Variants in SLC12A7 observed in about 807,000 individuals in gnomAD.
SLC12A7 encodes solute carrier family 12 member 7, also known as K-Cl cotransporter 4.
A neutral mutation model predicts 120.6 loss-of-function variants in SLC12A7; 100 were observed. The observed-to-expected ratio is 0.83, with a 90% confidence interval of 0.71 to 0.98. The LOEUF (loss-of-function observed/expected upper bound fraction) is 0.98, where lower values mean the gene tolerates loss of function less well. Among genes scored for constraint, SLC12A7 ranks in the 50% least tolerant of loss-of-function variants. SLC12A7 has a pLI of 0.00. For synonymous variants in SLC12A7, 760 were observed against 678.0 expected, an observed-to-expected ratio of 1.12 and a Z score of -1.88; for missense variants, 1,373 against 1,548.1, an observed-to-expected ratio of 0.89 and a Z score of 1.90.
the SLC12A7 span, among the ~76,000 whole-genome samples, chr5:1,128,570 A>C: frequency 6.6e-6 from 1 of 152,224 alleles, no homozygotes; most frequent in African/African-American, 2.4e-5. Context: ...CAACACTCTG[A>C]GACCTCTGGG....
At chr5:1,124,898 C>T in the SLC12A7 span, among the ~76,000 whole-genome samples, 7 of 152,188 alleles carry the variant, frequency 4.6e-5, no homozygotes, top group Non-Finnish European at 4.4e-5. Flanking sequence ...ACCCTGATGA[C>T]GCCCCGCTTC....
chr5:1,125,024 G>A, the SLC12A7 span, among the ~76,000 whole-genome samples: 1 of 152,076 alleles, frequency 6.6e-6, no homozygotes, highest in African/African-American at 2.4e-5. Context: ...AAGAAGATTT[G>A]AACAACCCAT....
intron 9 of SLC12A7, among the ~76,000 whole-genome samples, chr5:1,080,781 C>T (rs1264906040): frequency 1.3e-5 from 2 of 152,244 alleles, no homozygotes; most frequent in South Asian, 4.1e-4. Flanking sequence ...GGCCTCTGAG[C>T]TCACACTGAG....
At chr5:1,134,533 G>GT in the SLC12A7 span, among the ~76,000 whole-genome samples, 1 of 152,132 alleles carries the variant, frequency 6.6e-6, no homozygotes, top group Non-Finnish European at 1.5e-5. Flanking sequence ...AATGAATGCT[G>GT]TAAGAATGTG....
intron 12 of SLC12A7, among the ~76,000 whole-genome samples, chr5:1,077,488 G>T (rs971024580): frequency 6.6e-6 from 1 of 152,214 alleles, no homozygotes; most frequent in Non-Finnish European, 1.5e-5. Context: ...ACGGGCTGAA[G>T]AGCTCAGCCA....
At chr5:1,122,642 C>T in the SLC12A7 span, among the ~76,000 whole-genome samples, 1 of 152,198 alleles carries the variant, frequency 6.6e-6, no homozygotes, top group Non-Finnish European at 1.5e-5. Context: ...ATTCTGCGTT[C>T]GGTCTCTACA....
chr5:1,120,652 A>G, the SLC12A7 span, among the ~76,000 whole-genome samples: 7 of 152,230 alleles, frequency 4.6e-5, no homozygotes, highest in East Asian at 1.9e-4. Flanking sequence ...CTGGGAGCCC[A>G]GACTGGACAC....
Position 1,057,647 on chromosome 5 carries a change from G to T in SLC12A7, c.2850C>A (p.Ala950=), listed in dbSNP as rs777153775. 1 of 1,595,572 alleles carries T rather than the reference G, an allele frequency of 6.3e-7. No homozygotes were observed. ...QLSKNEQERE[A]QLIHDRNTAS... is the part of the protein sequence containing the mutation. ...CGGTGTTCCTGTCGTGGATCAGCTGGGCCTGGCGGGCCCGGGACTTGGTGA... is the reference window on the plus strand; with the variant it reads ...CGGTGTTCCTGTCGTGGATCAGCTGTGCCTGGCGGGCCCGGGACTTGGTGA... Residue 950 remains alanine (A), a splice_region_variant and synonymous_variant, in exon 22 of 24, where the codon GCC becomes GCA. Coordinates refer to ENST00000264930, the MANE Select transcript of SLC12A7 (RefSeq NM_006598.3).
chr5:1,078,113 C>T, intron 11 of SLC12A7, 106 bp from the exon 12 acceptor site: 1 of 1,348,964 alleles, frequency 7.4e-7, no homozygotes, highest in South Asian at 1.5e-5. Context: ...GTGGGGGCGA[C>T]TCCTTGGAAA....
chr5:1,115,761 C>A (rs1018197169), upstream of SLC12A7, among the ~76,000 whole-genome samples: 3 of 151,196 alleles, frequency 2.0e-5, no homozygotes, highest in Admixed American at 1.3e-4. Context: ...CAGGTTCTTG[C>A]CTGTTGGCCC....
At chr5:1,077,799 T>C in intron 12 of SLC12A7, 34 bp downstream of exon 12, 1 of 1,533,584 alleles carries the variant, frequency 6.5e-7, no homozygotes, top group South Asian at 1.2e-5. Context: ...ACCCTGACCT[T>C]CCAGGGTCCC....
Position 1,093,674 on chromosome 5 carries a change from G to C in SLC12A7, c.220-19C>G, listed in dbSNP as rs1740785491. The C allele has an allele frequency of 1.9e-6, 3 of 1,611,536 alleles. No homozygotes were observed. Among genetic ancestry groups the C allele is most frequent in the Non-Finnish European group, 8.5e-7 (1 of 1,178,902 alleles). ...TCTCCTCCTGCGCGGCGTGGACATG[G>C]TCACAGGCGGCCCGCACCTCGCCGT... On this transcript the variant is annotated intron_variant, in intron 2 of 23. Transcript: ENST00000264930.
At chr5:1,147,395 C>G in the SLC12A7 span, among the ~76,000 whole-genome samples, 2 of 151,952 alleles carry the variant, frequency 1.3e-5, no homozygotes, top group Non-Finnish European at 2.9e-5. Flanking sequence ...ACCGAGAGTC[C>G]CTCCGACCCG....
At chr5:1,127,996 T>C in the SLC12A7 span, among the ~76,000 whole-genome samples, 1 of 152,170 alleles carries the variant, frequency 6.6e-6, no homozygotes, top group African/African-American at 2.4e-5. Context: ...CGTCCTGGTT[T>C]TCATCTGGGG....
Position 1,057,461 on chromosome 5 carries a change from G to T in SLC12A7, c.3026+10C>A, listed in dbSNP as rs370295662. On this transcript the variant is annotated intron_variant, in intron 22 of 23. Transcript: ENST00000264930. The stretch of plus-strand genomic sequence containing the variant: ...TCTGTTCCCCCCAGGCCACACGCAC[G>T]GACACTCACGGCTTCATGCTGAAGA... 3 of 1,604,874 alleles carry T rather than the reference G, an allele frequency of 1.9e-6. No homozygotes were observed. The highest frequency in any genetic ancestry group is 1.1e-5 in the South Asian group (1 of 90,026).
intron 15 of SLC12A7, among the ~76,000 whole-genome samples, chr5:1,075,065 A>G (rs940933779): frequency 5.9e-5 from 9 of 152,138 alleles, no homozygotes; most frequent in African/African-American, 2.2e-4. Flanking sequence ...CAACCTGGGG[A>G]CACCTCGCGA....
rs1579368904 is a variant in SLC12A7 at position 1,078,013 on chromosome 5, G to A, written c.1455-6C>T. Reference sequence around the variant, plus strand: ...CCTGCAGGGCCTCCCCGAACCTGCAGGCAGGCGGGCAGGCGGGCGGGCGGC... The same window carrying A: ...CCTGCAGGGCCTCCCCGAACCTGCAAGCAGGCGGGCAGGCGGGCGGGCGGC... On this transcript the variant is annotated splice_polypyrimidine_tract_variant and splice_region_variant and intron_variant, in intron 11 of 23. Transcript: ENST00000264930. The A allele has an allele frequency of 6.5e-7, 1 of 1,545,416 alleles. No individual in the cohort carries two copies. The highest frequency in any genetic ancestry group is 1.4e-5 in the African/African-American group (1 of 72,428).
chr5:1,102,487 T>C (rs1742115535), intron 1 of SLC12A7, among the ~76,000 whole-genome samples: 1 of 152,186 alleles, frequency 6.6e-6, no homozygotes, highest in African/African-American at 2.4e-5. Context: ...AACGTCCTCT[T>C]AGACTCAGCC....
At chr5:1,058,079 C>A (rs188680053) in intron 21 of SLC12A7, among the ~76,000 whole-genome samples, 1 of 152,208 alleles carries the variant, frequency 6.6e-6, no homozygotes, top group Non-Finnish European at 1.5e-5. Context: ...GCCCTGTCCC[C>A]GGGGAAGCAG....
Sources: gnomAD v4.1 joint callset for allele counts (sites outside exome capture counted in the v4.1 genomes callset) on GRCh38, gnomAD v4.1.1 for gene constraint, MANE v1.5 for transcripts, NCBI Gene and HGNC (gene_info 2026-07-23, HGNC 2026-07-21) for gene names.